The following CDH13 variants were observed in gnomAD, a reference collection of about 807,000 sequenced individuals.
CDH13 encodes cadherin-13.
In CDH13, 24 loss-of-function variants were observed where a neutral mutation model predicts 63.8. That is an observed-to-expected ratio of 0.38 (90% CI 0.27 to 0.53). The LOEUF is 0.53. CDH13 is among the 20% of genes least tolerant of loss of function. CDH13 has a pLI of 0.85. For synonymous variants in CDH13, 503 were observed against 355.3 expected, an observed-to-expected ratio of 1.42 and a Z score of -4.67; for missense variants, 1,049 against 903.1, an observed-to-expected ratio of 1.16 and a Z score of -2.07.
intron 4 of CDH13, among the ~76,000 whole-genome samples, chr16:83,184,883 G>T (rs1006195297): frequency 2.8e-4 from 30 of 108,970 alleles, no homozygotes; most frequent in Admixed American, 7.1e-4. Flanking sequence ...TGTCTAAGCC[G>T]TGTGTGTGTG....
chr16:82,821,005 A>T (rs559208099), intron 1 of CDH13, among the ~76,000 whole-genome samples: 1 of 152,248 alleles, frequency 6.6e-6, no homozygotes, highest in East Asian at 1.9e-4. Context: ...TCCTCATTAG[A>T]TGAGGCCATC....
At chr16:83,039,304 T>C (rs574205148) in intron 3 of CDH13, among the ~76,000 whole-genome samples, 10 of 152,276 alleles carry the variant, frequency 6.6e-5, no homozygotes, top group African/African-American at 1.9e-4. Flanking sequence ...AAAAGGTCCT[T>C]TGTGGTTTAG....
intron 3 of CDH13, among the ~76,000 whole-genome samples, chr16:83,037,683 T>A (rs1192325542): frequency 6.6e-6 from 1 of 152,140 alleles, no homozygotes; most frequent in Non-Finnish European, 1.5e-5. Context: ...ATGGACAATG[T>A]GGGACTGGCT....
chr16:82,633,601 A>T (rs1908296353), intron 1 of CDH13, among the ~76,000 whole-genome samples: 1 of 151,518 alleles, frequency 6.6e-6, no homozygotes, highest in Non-Finnish European at 1.5e-5. Flanking sequence ...CTGGTCTTGA[A>T]CTCCTGACCT....
chr16:83,318,954 A>G (rs894243222), intron 5 of CDH13, among the ~76,000 whole-genome samples: 15 of 151,838 alleles, frequency 9.9e-5, no homozygotes, highest in African/African-American at 3.6e-4. Context: ...AAAAAGCAAA[A>G]ATATAATAAT....
At chr16:82,764,846 C>T in intron 1 of CDH13, among the ~76,000 whole-genome samples, 1 of 146,218 alleles carries the variant, frequency 6.8e-6, no homozygotes, top group African/African-American at 2.5e-5. Context: ...TGGAGTTTCA[C>T]TCTTGTCATC....
At chr16:82,997,607 G>A in intron 2 of CDH13, among the ~76,000 whole-genome samples, 1 of 152,056 alleles carries the variant, frequency 6.6e-6, no homozygotes. Flanking sequence ...TTTTATACTT[G>A]ATGAAACAAG....
chr16:82,851,163 C>T (rs970784172), intron 1 of CDH13, among the ~76,000 whole-genome samples: 9 of 151,988 alleles, frequency 5.9e-5, no homozygotes, highest in Non-Finnish European at 1.3e-4. Flanking sequence ...GGGCCAGGTA[C>T]GGTGGCTCAT....
intron 3 of CDH13, among the ~76,000 whole-genome samples, chr16:83,056,688 C>T (rs1253254136): frequency 2.6e-5 from 4 of 152,160 alleles, no homozygotes; most frequent in Non-Finnish European, 5.9e-5. Flanking sequence ...ATCCAAGTCT[C>T]ATCTTGAAGT....
intron 3 of CDH13, among the ~76,000 whole-genome samples, chr16:83,099,190 A>G (rs575187828): frequency 3.3e-5 from 5 of 152,310 alleles, no homozygotes; most frequent in Admixed American, 1.3e-4. Context: ...TAGAATATAT[A>G]TTTGAACAGT....
intron 1 of CDH13, among the ~76,000 whole-genome samples, chr16:82,754,747 A>C (rs893320645): frequency 1.3e-5 from 2 of 152,198 alleles, no homozygotes; most frequent in Non-Finnish European, 2.9e-5. Flanking sequence ...GGACTTTGCT[A>C]TCTAGACTTT....
intron 5 of CDH13, among the ~76,000 whole-genome samples, chr16:83,341,443 T>C (rs1051100837): frequency 6.6e-6 from 1 of 152,190 alleles, no homozygotes; most frequent in Non-Finnish European, 1.5e-5. Context: ...ATTGGGTGGA[T>C]AAGGCTGTAT....
At chr16:83,100,368 A>G (rs533243487) in intron 3 of CDH13, among the ~76,000 whole-genome samples, 1 of 152,178 alleles carries the variant, frequency 6.6e-6, no homozygotes, top group South Asian at 2.1e-4. Flanking sequence ...ACCGAGGTCA[A>G]ATTTCACTGT....
chr16:83,031,346 TATATG>T (rs1916312465), intron 2 of CDH13, among the ~76,000 whole-genome samples: 1 of 143,866 alleles, frequency 7.0e-6, no homozygotes, highest in African/African-American at 2.5e-5. Context: ...TGTATACACG[TATATG>T]GTATATACAT....
intron 1 of CDH13, among the ~76,000 whole-genome samples, chr16:82,780,771 G>A (rs186566875): frequency 2.6e-5 from 4 of 152,230 alleles, no homozygotes; most frequent in Admixed American, 2.0e-4. Context: ...TTTCTTTCAC[G>A]CTGGTTCATT....
chr16:83,616,815 A>G (rs1420896563), intron 8 of CDH13, among the ~76,000 whole-genome samples: 1 of 152,138 alleles, frequency 6.6e-6, no homozygotes, highest in Non-Finnish European at 1.5e-5. Context: ...TGATGCATAC[A>G]TGGTTTCAAA....
At chr16:82,886,012 T>G (rs1259238644) in intron 2 of CDH13, among the ~76,000 whole-genome samples, 2 of 152,168 alleles carry the variant, frequency 1.3e-5, no homozygotes, top group African/African-American at 4.8e-5. Flanking sequence ...AAAAGATACA[T>G]AATATAATGT....
At chr16:82,915,769 G>T (rs556976236) in intron 2 of CDH13, among the ~76,000 whole-genome samples, 83 of 151,304 alleles carry the variant, frequency 5.5e-4, no homozygotes, top group African/African-American at 1.7e-3. Context: ...CCTTGGATTT[G>T]CTCATCTCAT....
intron 11 of CDH13, among the ~76,000 whole-genome samples, chr16:83,764,158 C>A (rs1914196288): frequency 6.6e-6 from 1 of 152,180 alleles, no homozygotes; most frequent in Admixed American, 6.5e-5. Flanking sequence ...CATGTCATTA[C>A]AGAATCATGA....
Sources: allele counts gnomAD v4.1 joint callset (sites outside exome capture counted in the v4.1 genomes callset), GRCh38; gene constraint gnomAD v4.1.1; transcripts MANE v1.5; gene names NCBI Gene and HGNC (gene_info 2026-07-23, HGNC 2026-07-21).